The following WWOX variants were observed in gnomAD, a reference collection of about 807,000 sequenced individuals.
WWOX encodes the protein WW domain-containing oxidoreductase.
A neutral mutation model predicts 46.2 loss-of-function variants in WWOX; 69 were observed. That is an observed-to-expected ratio of 1.49 (90% CI 1.23 to 1.82). The LOEUF (loss-of-function observed/expected upper bound fraction) is 1.82. WWOX is among the 40% of genes most tolerant of loss of function. WWOX has a pLI of 0.00. For missense variants in WWOX, 919 were observed against 542.6 expected (o/e 1.69, Z -6.89); for synonymous variants, 359 against 202.6 (o/e 1.77, Z -6.56).
intron 5 of WWOX, among the ~76,000 whole-genome samples, chr16:78,172,674 AG>A (rs1189084733): frequency 1.3e-5 from 2 of 151,110 alleles, no homozygotes; most frequent in African/African-American, 2.4e-5. Context: ...TTGTATAATG[AG>A]GGCTGTGATT....
At chr16:79,211,249 G>C (rs536430486) in intron 8 of WWOX, among the ~76,000 whole-genome samples, 86 of 152,244 alleles carry the variant, frequency 5.6e-4, no homozygotes, top group Non-Finnish European at 9.3e-4. Flanking sequence ...TGGAGAAGTT[G>C]AGGGGTTGGA....
intron 4 of WWOX, among the ~76,000 whole-genome samples, chr16:78,157,202 C>T (rs1048903987): frequency 9.9e-5 from 15 of 152,126 alleles, no homozygotes; most frequent in African/African-American, 3.4e-4. Context: ...TGTGAAGTCC[C>T]GGGCTCCCAA....
chr16:78,337,294 A>T (rs34624886), intron 5 of WWOX, among the ~76,000 whole-genome samples: 29,927 of 152,012 alleles, frequency 0.2, 3,494 homozygotes, highest in East Asian at 0.45. Flanking sequence ...TTATAAGTAC[A>T]GTTGTAGATT....
At chr16:78,333,399 T>C (rs1333996438) in intron 5 of WWOX, among the ~76,000 whole-genome samples, 1 of 152,170 alleles carries the variant, frequency 6.6e-6, no homozygotes, top group Non-Finnish European at 1.5e-5. Context: ...TTAATGTTTA[T>C]ATAGAAAAAG....
chr16:78,179,278 A>C (rs1225599645), intron 5 of WWOX, among the ~76,000 whole-genome samples: 2 of 152,226 alleles, frequency 1.3e-5, no homozygotes, highest in Non-Finnish European at 2.9e-5. Flanking sequence ...TGAAAAATTG[A>C]GGTATGAATT....
intron 6 of WWOX, among the ~76,000 whole-genome samples, chr16:78,420,003 C>T (rs1230174873): frequency 1.3e-5 from 2 of 151,996 alleles, no homozygotes; most frequent in African/African-American, 2.4e-5. Flanking sequence ...ATATGATACA[C>T]AAATTGCCAA....
At chr16:78,244,082 T>A in intron 5 of WWOX, among the ~76,000 whole-genome samples, 1 of 152,224 alleles carries the variant, frequency 6.6e-6, no homozygotes, top group East Asian at 1.9e-4. Context: ...GAACACCTCC[T>A]GCTGGGGGTG....
At chr16:78,202,853 G>T (rs117894570) in intron 5 of WWOX, among the ~76,000 whole-genome samples, 84 of 146,180 alleles carry the variant, frequency 5.7e-4, no homozygotes, top group Non-Finnish European at 1.0e-3. Context: ...ATGTAGAAAA[G>T]AATTCCTGGA....
chr16:78,867,851 C>G (rs926062311), intron 8 of WWOX, among the ~76,000 whole-genome samples: 1 of 152,154 alleles, frequency 6.6e-6, no homozygotes, highest in Non-Finnish European at 1.5e-5. Context: ...CATGACATGC[C>G]TACTAGCTTA....
chr16:78,623,672 A>G (rs1214805974), intron 8 of WWOX, among the ~76,000 whole-genome samples: 1 of 150,706 alleles, frequency 6.6e-6, no homozygotes, highest in African/African-American at 2.4e-5. Flanking sequence ...AGGAGCCATG[A>G]TGTTATTAGC....
intron 8 of WWOX, among the ~76,000 whole-genome samples, chr16:79,013,415 A>G (rs572161267): frequency 1.3e-5 from 2 of 152,176 alleles, no homozygotes; most frequent in South Asian, 4.2e-4. Context: ...TAACTCTTTT[A>G]TCTTCCCTGG....
intron 6 of WWOX, among the ~76,000 whole-genome samples, chr16:78,418,764 T>C (rs78540908): frequency 0.025 from 3,750 of 152,278 alleles, 151 homozygotes; most frequent in African/African-American, 0.086. Context: ...TGAAAACTTT[T>C]AGTAAACTTG....
At chr16:79,152,001 A>G (rs1005638091) in intron 8 of WWOX, among the ~76,000 whole-genome samples, 1 of 152,210 alleles carries the variant, frequency 6.6e-6, no homozygotes, top group East Asian at 1.9e-4. Flanking sequence ...AGGGGGAACT[A>G]GTTTTCATTG....
At chr16:78,410,467 G>A (rs987255210) in intron 6 of WWOX, among the ~76,000 whole-genome samples, 1 of 152,080 alleles carries the variant, frequency 6.6e-6, no homozygotes, top group African/African-American at 2.4e-5. Context: ...TTTAGGGACA[G>A]TTTGGCTGGT....
chr16:78,506,493 T>C (rs532947630), intron 8 of WWOX: 1 of 152,266 alleles, frequency 6.6e-6, no homozygotes, highest in East Asian at 1.9e-4. Context: ...CCCACTCACA[T>C]GTTTATGGCC....
chr16:78,742,447 GC>G (rs2049252316), intron 8 of WWOX, among the ~76,000 whole-genome samples: 1 of 152,178 alleles, frequency 6.6e-6, no homozygotes, highest in African/African-American at 2.4e-5. Context: ...CAGCACCTAT[GC>G]AGGTTACTGT....
intron 8 of WWOX, among the ~76,000 whole-genome samples, chr16:79,024,535 G>A (rs1431145726): frequency 1.3e-5 from 2 of 152,094 alleles, no homozygotes; most frequent in African/African-American, 2.4e-5. Flanking sequence ...CCAGGTTCAC[G>A]CCATTCTCCT....
intron 8 of WWOX, among the ~76,000 whole-genome samples, chr16:78,651,295 C>G (rs2046961410): frequency 2.0e-5 from 3 of 152,324 alleles, no homozygotes; most frequent in Admixed American, 1.3e-4. Context: ...AGCGAGAGAG[C>G]CCTGAGGTGC....
intron 8 of WWOX, among the ~76,000 whole-genome samples, chr16:78,438,942 T>C (rs540303017): frequency 6.6e-6 from 1 of 152,328 alleles, no homozygotes; most frequent in South Asian, 2.1e-4. Flanking sequence ...AATAACCCGC[T>C]GCAGGGTGAT....
Sources: allele counts gnomAD v4.1 joint callset (sites outside exome capture counted in the v4.1 genomes callset), GRCh38; gene constraint gnomAD v4.1.1; transcripts MANE v1.5; gene names NCBI Gene and HGNC (gene_info 2026-07-23, HGNC 2026-07-21).